Variants in OR1B1 observed in about 807,000 individuals in gnomAD.
OR1B1 encodes olfactory receptor 1B1.
For synonymous variants in OR1B1, 168 were observed against 156.2 expected, an observed-to-expected ratio of 1.08 and a Z score of -0.57; for missense variants, 414 against 402.1, an observed-to-expected ratio of 1.03 and a Z score of -0.25.
At chr9:122,629,090 A>G (rs1536929) in exon 1 of OR1B1, 1,172,323 of 1,613,344 alleles carry the variant, frequency 0.73, 430,628 homozygotes, top group South Asian at 0.85. Flanking sequence ...CACCCAGCTC[A>G]AGGCTAGTAA....
the OR1B1 span, among the ~76,000 whole-genome samples, chr9:122,653,730 G>C: frequency 2.6e-5 from 4 of 152,102 alleles, no homozygotes; most frequent in Non-Finnish European, 4.4e-5. Flanking sequence ...ATATCTGAAG[G>C]AATTTATTCT....
upstream of OR1B1, among the ~76,000 whole-genome samples, chr9:122,634,260 C>T (rs541245718): frequency 1.8e-4 from 27 of 150,332 alleles, no homozygotes; most frequent in Non-Finnish European, 3.1e-4. Context: ...CGCTTGAACC[C>T]GGGATGTGGA....
exon 1 of OR1B1, chr9:122,628,731 G>A: frequency 5.0e-6 from 8 of 1,614,138 alleles, no homozygotes; most frequent in Non-Finnish European, 6.8e-6. Flanking sequence ...TTCTGGAAGG[G>A]AGGCTGGAAG....
the OR1B1 span, among the ~76,000 whole-genome samples, chr9:122,649,738 G>T: frequency 1.3e-5 from 2 of 152,154 alleles, no homozygotes; most frequent in African/African-American, 4.8e-5. Flanking sequence ...TCATTAAAAA[G>T]TCGGGAAACA....
the OR1B1 span, among the ~76,000 whole-genome samples, chr9:122,651,652 C>T: frequency 6.6e-6 from 1 of 152,166 alleles, no homozygotes; most frequent in African/African-American, 2.4e-5. Flanking sequence ...GAAATTAACT[C>T]ATCACTTTCA....
the OR1B1 span, among the ~76,000 whole-genome samples, chr9:122,655,620 A>G: frequency 2.1e-5 from 3 of 144,458 alleles, no homozygotes; most frequent in Non-Finnish European, 4.5e-5. Context: ...GTTCTCACTT[A>G]TAAGTGGGAG....
the OR1B1 span, chr9:122,639,685 A>G: frequency 6.6e-6 from 1 of 151,336 alleles, no homozygotes; most frequent in African/African-American, 2.4e-5. Flanking sequence ...TTTAAAAATT[A>G]TAATTTGTAC....
chr9:122,641,692 G>A, the OR1B1 span, among the ~76,000 whole-genome samples: 8 of 152,112 alleles, frequency 5.3e-5, no homozygotes, highest in Non-Finnish European at 1.0e-4. Context: ...TATACAACAT[G>A]GTGACTATAG....
upstream of OR1B1, among the ~76,000 whole-genome samples, chr9:122,633,979 T>A (rs1830230277): frequency 6.6e-6 from 1 of 150,942 alleles, no homozygotes; most frequent in Admixed American, 6.6e-5. Context: ...TTAGTCTATT[T>A]TCACACTGCT....
the OR1B1 span, among the ~76,000 whole-genome samples, chr9:122,647,350 G>A: frequency 3.3e-4 from 50 of 152,050 alleles, no homozygotes; most frequent in Non-Finnish European, 5.4e-4. Flanking sequence ...TGACCAGTGG[G>A]TCGATGATAA....
At chr9:122,646,784 C>T in the OR1B1 span, among the ~76,000 whole-genome samples, 114 of 152,090 alleles carry the variant, frequency 7.5e-4, no homozygotes, top group African/African-American at 2.5e-3. Context: ...TTCAGCACAC[C>T]GCTATAATTG....
chr9:122,633,656 A>G (rs1403847150), upstream of OR1B1, among the ~76,000 whole-genome samples: 2 of 152,198 alleles, frequency 1.3e-5, no homozygotes, highest in Non-Finnish European at 2.9e-5. Flanking sequence ...GAGGCCAGGC[A>G]TGGTGGCTCA....
At chr9:122,656,139 T>G in the OR1B1 span, among the ~76,000 whole-genome samples, 2 of 152,160 alleles carry the variant, frequency 1.3e-5, no homozygotes, top group Non-Finnish European at 2.9e-5. Flanking sequence ...GTATCCATTT[T>G]TTGTTGTTGT....
chr9:122,648,819 T>C, the OR1B1 span, among the ~76,000 whole-genome samples: 2 of 152,172 alleles, frequency 1.3e-5, no homozygotes, highest in Non-Finnish European at 2.9e-5. Context: ...AAAATGGCTA[T>C]ACTGCCCAAA....
At chr9:122,630,309 T>C (rs770031057), upstream of OR1B1, among the ~76,000 whole-genome samples, 1 of 152,244 alleles carries the variant, frequency 6.6e-6, no homozygotes, top group Non-Finnish European at 1.5e-5. Context: ...TTATTCCCTG[T>C]GTTAGTTAAT....
exon 1 of OR1B1, chr9:122,629,184 C>T (rs762380951): frequency 6.2e-6 from 10 of 1,613,798 alleles, no homozygotes; most frequent in Admixed American, 1.7e-5. Context: ...GCCATGACAG[C>T]AATGACAAGT....
At chr9:122,628,428 G>A (rs907096289), downstream of OR1B1, 2 of 620,672 alleles carry the variant, frequency 3.2e-6, no homozygotes, top group East Asian at 5.2e-5. Flanking sequence ...AATGTTCATG[G>A]CTCCATCAAA....
chr9:122,630,696 TTTTTTGTTTTTG>T (rs141279586), upstream of OR1B1, among the ~76,000 whole-genome samples: 6 of 151,270 alleles, frequency 4.0e-5, no homozygotes, highest in South Asian at 2.1e-4. Context: ...TATCCAGGGT[TTTTTTGTTTTTG>T]TTTTTGTTTT....
upstream of OR1B1, among the ~76,000 whole-genome samples, chr9:122,631,995 A>G (rs1265321038): frequency 6.6e-6 from 1 of 152,204 alleles, no homozygotes; most frequent in Non-Finnish European, 1.5e-5. Context: ...CAACATAAAA[A>G]TTATCTTCAT....
Sources: allele counts gnomAD v4.1 joint callset (sites outside exome capture counted in the v4.1 genomes callset), GRCh38; gene constraint gnomAD v4.1.1; transcripts MANE v1.5; gene names NCBI Gene and HGNC (gene_info 2026-07-23, HGNC 2026-07-21).